CCDC3: variants seen among roughly 807,000 people sequenced by gnomAD.
CCDC3 encodes the protein coiled-coil domain containing 3, also known as coiled-coil domain-containing protein 3.
A neutral mutation model predicts 21.4 loss-of-function variants in CCDC3; 24 were observed. The observed-to-expected ratio is 1.12, with a 90% CI of 0.81 to 1.58. CCDC3 has a LOEUF of 1.58. Among genes scored for constraint, CCDC3 ranks in the 40% most tolerant of loss-of-function variants. The probability of loss-of-function intolerance (pLI) is 0.00; values close to 1 mark genes in which losing one functional copy is unlikely to be tolerated. For synonymous variants in CCDC3, 186 were observed against 166.0 expected, an observed-to-expected ratio of 1.12 and a Z score of -0.93; for missense variants, 425 against 360.9, an observed-to-expected ratio of 1.18 and a Z score of -1.44.
intron 2 of CCDC3, among the ~76,000 whole-genome samples, chr10:12,916,005 G>A (rs1360115470): frequency 2.6e-5 from 4 of 152,026 alleles, no homozygotes; most frequent in Admixed American, 6.6e-5. Context: ...CACAGTGGAT[G>A]GTCCTGGAGC....
intron 5 of CCDC3, among the ~76,000 whole-genome samples, chr10:13,020,636 G>A (rs1836132607): frequency 6.6e-6 from 1 of 152,072 alleles, no homozygotes; most frequent in Non-Finnish European, 1.5e-5. Flanking sequence ...TGATTTTTAA[G>A]GAATGTACAG....
intron 2 of CCDC3, among the ~76,000 whole-genome samples, chr10:12,983,444 A>G (rs12254700): frequency 0.015 from 2,331 of 151,498 alleles, 64 homozygotes; most frequent in African/African-American, 0.053. Flanking sequence ...GGTGGTGTGC[A>G]TCTGCAGTCC....
At chr10:12,983,867 G>A (rs892514689) in intron 2 of CCDC3, among the ~76,000 whole-genome samples, 76 of 152,204 alleles carry the variant, frequency 5.0e-4, no homozygotes, top group African/African-American at 1.7e-3. Flanking sequence ...ATCACTTGAG[G>A]TCAGGAGCTG....
intron 2 of CCDC3, among the ~76,000 whole-genome samples, chr10:12,965,758 T>A (rs1835253716): frequency 6.6e-6 from 1 of 152,196 alleles, no homozygotes; most frequent in Non-Finnish European, 1.5e-5. Context: ...AGTTTGGAAT[T>A]TTCTGTCTAT....
At chr10:12,990,640 G>A (rs1289999350) in intron 2 of CCDC3, among the ~76,000 whole-genome samples, 1 of 152,180 alleles carries the variant, frequency 6.6e-6, no homozygotes, top group Non-Finnish European at 1.5e-5. Context: ...AGTTGCCACT[G>A]TGAGTTTGAC....
chr10:13,098,878 G>C (rs1300020061), intron 2 of CCDC3, among the ~76,000 whole-genome samples: 1 of 151,540 alleles, frequency 6.6e-6, no homozygotes, highest in African/African-American at 2.4e-5. Flanking sequence ...CATCATGCCC[G>C]GCTAATTTTT....
intron 5 of CCDC3, among the ~76,000 whole-genome samples, chr10:13,040,728 A>ACACACACACAC (rs1176365652): frequency 1.8e-5 from 2 of 113,660 alleles, no homozygotes; most frequent in African/African-American, 7.7e-5. Flanking sequence ...CACACACACA[A>ACACACACACAC]AGTAAACAGC....
chr10:13,095,187 AT>A (rs2131457688), intron 3 of CCDC3, among the ~76,000 whole-genome samples: 1 of 152,260 alleles, frequency 6.6e-6, no homozygotes, highest in South Asian at 2.1e-4. Context: ...GCTGGGTCAT[AT>A]CATAACTCTC....
chr10:13,071,930 G>A (rs1217415050), intron 4 of CCDC3, among the ~76,000 whole-genome samples: 1 of 152,068 alleles, frequency 6.6e-6, no homozygotes, highest in Admixed American at 6.5e-5. Context: ...CCCTTCAGAT[G>A]CATTCTCCAA....
intron 2 of CCDC3, among the ~76,000 whole-genome samples, chr10:12,913,207 TA>T (rs2131206328): frequency 6.6e-6 from 1 of 152,358 alleles, no homozygotes; most frequent in South Asian, 2.1e-4. Flanking sequence ...AATATTCTTC[TA>T]ATCTATGAGC....
intron 2 of CCDC3, among the ~76,000 whole-genome samples, chr10:12,946,982 G>C (rs759908217): frequency 1.3e-5 from 2 of 152,156 alleles, no homozygotes; most frequent in Non-Finnish European, 2.9e-5. Context: ...GCAAAAGACA[G>C]AGGCCAGCTC....
intron 5 of CCDC3, among the ~76,000 whole-genome samples, chr10:13,020,421 G>T (rs1218757700): frequency 6.6e-6 from 1 of 152,174 alleles, no homozygotes; most frequent in African/African-American, 2.4e-5. Context: ...ATTATTCTCA[G>T]CAAACAAAGG....
chr10:12,923,772 A>G (rs1834491730), intron 2 of CCDC3, among the ~76,000 whole-genome samples: 1 of 152,206 alleles, frequency 6.6e-6, no homozygotes, highest in Admixed American at 6.5e-5. Flanking sequence ...GGAACTGGGC[A>G]GGTACTCGGT....
intron 5 of CCDC3, among the ~76,000 whole-genome samples, chr10:13,037,585 G>T (rs773227990): frequency 1.6e-4 from 24 of 152,090 alleles, no homozygotes; most frequent in Non-Finnish European, 2.4e-4. Flanking sequence ...AGGAAATTCG[G>T]TGCATTGTCT....
chr10:13,050,383 G>T (rs1343808453), intron 4 of CCDC3, among the ~76,000 whole-genome samples: 1 of 152,158 alleles, frequency 6.6e-6, no homozygotes, highest in Admixed American at 6.5e-5. Context: ...TCAATCCAAG[G>T]GCTGAGGCCA....
At chr10:12,958,990 G>A (rs1170111859) in intron 2 of CCDC3, among the ~76,000 whole-genome samples, 1 of 152,174 alleles carries the variant, frequency 6.6e-6, no homozygotes, top group East Asian at 1.9e-4. Flanking sequence ...CCAAAGAAAA[G>A]TAAGGTCCAC....
At chr10:12,930,177 T>C (rs768475434) in intron 2 of CCDC3, among the ~76,000 whole-genome samples, 8 of 152,196 alleles carry the variant, frequency 5.3e-5, no homozygotes, top group Non-Finnish European at 8.8e-5. Flanking sequence ...TTTCATCAAA[T>C]AGGTTTCTAA....
At chr10:12,931,343 C>T (rs183799141) in intron 2 of CCDC3, among the ~76,000 whole-genome samples, 2 of 152,132 alleles carry the variant, frequency 1.3e-5, no homozygotes, top group East Asian at 3.9e-4. Flanking sequence ...CAATGTACAG[C>T]AGATGGGGTG....
intron 2 of CCDC3, among the ~76,000 whole-genome samples, chr10:12,979,770 AC>A (rs1303076769): frequency 2.0e-5 from 3 of 152,086 alleles, no homozygotes; most frequent in Non-Finnish European, 2.9e-5. Context: ...ATAAACCGCT[AC>A]TGACTGAGAC....
Sources: gnomAD v4.1 joint callset for allele counts (sites outside exome capture counted in the v4.1 genomes callset) on GRCh38, gnomAD v4.1.1 for gene constraint, MANE v1.5 for transcripts, NCBI Gene and HGNC (gene_info 2026-07-23, HGNC 2026-07-21) for gene names.